Variants in STAU2 observed in about 807,000 individuals in gnomAD.
The protein encoded by STAU2 is double-stranded RNA-binding protein Staufen homolog 2.
A neutral mutation model predicts 65.9 loss-of-function variants in STAU2; 20 were observed. The ratio of observed to expected loss-of-function variants is 0.30; its 90% confidence interval spans 0.21 to 0.44. STAU2 has a LOEUF of 0.44. Ranked by LOEUF, STAU2 falls within the 20% of genes least tolerant of loss-of-function variation. STAU2 has a pLI of 1.00. For synonymous variants in STAU2, 232 were observed against 233.9 expected (o/e 0.99, Z 0.07); for missense variants, 558 against 683.9 (o/e 0.82, Z 2.05).
intron 13 of STAU2, among the ~76,000 whole-genome samples, chr8:73,523,693 A>ATTGGTTTCTTTC (rs1420816656): frequency 2.6e-5 from 4 of 152,062 alleles, no homozygotes; most frequent in Non-Finnish European, 5.9e-5. Context: ...TAGCCTTTCG[A>ATTGGTTTCTTTC]ATGGTTTCTT....
intron 4 of STAU2, among the ~76,000 whole-genome samples, chr8:73,703,873 T>A (rs1380503900): frequency 6.6e-6 from 1 of 152,222 alleles, no homozygotes; most frequent in Admixed American, 6.5e-5. Context: ...TTGTTCTTTT[T>A]TTCCCACACA....
chr8:73,626,021 T>C (rs896499551), intron 6 of STAU2, among the ~76,000 whole-genome samples: 19 of 151,968 alleles, frequency 1.3e-4, no homozygotes, highest in African/African-American at 4.6e-4. Context: ...GGAGTTTTAG[T>C]TTCTAGAGAT....
chr8:73,699,230 T>A, intron 4 of STAU2, among the ~76,000 whole-genome samples: 1 of 149,632 alleles, frequency 6.7e-6, no homozygotes, highest in African/African-American at 2.5e-5. Context: ...AGTGGAAAAA[T>A]TTCAAACAAA....
At chr8:73,746,983 C>G, upstream of STAU2, 1 of 541,880 alleles carries the variant, frequency 1.8e-6, no homozygotes, top group Non-Finnish European at 2.3e-6. Flanking sequence ...CGCTCCCGCG[C>G]CCCAGCACGC....
chr8:73,498,037 T>C (rs890314492), intron 13 of STAU2, among the ~76,000 whole-genome samples: 5 of 151,866 alleles, frequency 3.3e-5, no homozygotes, highest in Admixed American at 2.0e-4. Context: ...ACAGGACACA[T>C]TGTGTTTGTA....
intron 6 of STAU2, among the ~76,000 whole-genome samples, chr8:73,643,387 A>G (rs997904999): frequency 2.0e-5 from 3 of 152,190 alleles, no homozygotes; most frequent in African/African-American, 7.2e-5. Flanking sequence ...CTGAGTCCCA[A>G]TCAAGGAGTT....
chr8:73,442,968 T>C (rs372863369), intron 13 of STAU2, among the ~76,000 whole-genome samples: 6 of 152,324 alleles, frequency 3.9e-5, no homozygotes, highest in East Asian at 3.9e-4. Context: ...GGAGAATCCA[T>C]GATAGATTTA....
chr8:73,429,731 T>C (rs1195284973), intron 13 of STAU2, among the ~76,000 whole-genome samples: 1 of 152,058 alleles, frequency 6.6e-6, no homozygotes, highest in African/African-American at 2.4e-5. Flanking sequence ...CTCATGTCTC[T>C]TTATTTCCTC....
At chr8:73,440,805 C>T (rs1381303186) in intron 13 of STAU2, 1 of 152,286 alleles carries the variant, frequency 6.6e-6, no homozygotes, top group Non-Finnish European at 1.5e-5. Flanking sequence ...ACCCAGACTC[C>T]TGACTACAGC....
At chr8:73,467,024 T>C (rs1191254559) in intron 13 of STAU2, among the ~76,000 whole-genome samples, 1 of 152,334 alleles carries the variant, frequency 6.6e-6, no homozygotes, top group Non-Finnish European at 1.5e-5. Context: ...ACATAAACTG[T>C]TCAGGAAGTT....
intron 9 of STAU2, among the ~76,000 whole-genome samples, chr8:73,605,307 C>CTTTTTTT (rs760108756): frequency 8.1e-6 from 1 of 124,030 alleles, no homozygotes; most frequent in Non-Finnish European, 1.7e-5. Flanking sequence ...GGCTTTTTTC[C>CTTTTTTT]TTTTTTTTTT....
intron 4 of STAU2, among the ~76,000 whole-genome samples, chr8:73,689,510 C>T (rs1399522356): frequency 1.3e-5 from 2 of 152,140 alleles, no homozygotes; most frequent in Non-Finnish European, 2.9e-5. Flanking sequence ...TCAACTGTTC[C>T]TGTTTTAGCA....
At chr8:73,507,795 A>G (rs1226202047) in intron 13 of STAU2, among the ~76,000 whole-genome samples, 1 of 152,224 alleles carries the variant, frequency 6.6e-6, no homozygotes, top group East Asian at 1.9e-4. Context: ...CAATGATCTT[A>G]GCCAGATCTT....
chr8:73,581,999 A>C (rs1810024146), intron 12 of STAU2, among the ~76,000 whole-genome samples: 4 of 152,324 alleles, frequency 2.6e-5, no homozygotes, highest in African/African-American at 9.6e-5. Flanking sequence ...TGTTTTTACT[A>C]GCCAAATGTT....
At chr8:73,498,593 G>T (rs141912069) in intron 13 of STAU2, among the ~76,000 whole-genome samples, 248 of 151,634 alleles carry the variant, frequency 1.6e-3, no homozygotes, top group Non-Finnish European at 2.3e-3. Context: ...TCAAGTATTT[G>T]TGTAACTGGC....
intron 13 of STAU2, among the ~76,000 whole-genome samples, chr8:73,479,712 C>CGTGTGT (rs5892422): frequency 0.32 from 46,401 of 143,480 alleles, 8,485 homozygotes; most frequent in Non-Finnish European, 0.41. Context: ...CTTAAATATA[C>CGTGTGT]GTGTGTGTGT....
At chr8:73,723,605 T>C (rs1398780212) in intron 3 of STAU2, among the ~76,000 whole-genome samples, 1 of 152,256 alleles carries the variant, frequency 6.6e-6, no homozygotes, top group Non-Finnish European at 1.5e-5. Flanking sequence ...TCTATTGCTC[T>C]GCCTTCAAGT....
chr8:73,449,791 G>GC (rs1476850791), intron 13 of STAU2, among the ~76,000 whole-genome samples: 1 of 152,172 alleles, frequency 6.6e-6, no homozygotes, highest in African/African-American at 2.4e-5. Flanking sequence ...GACTCCTGAG[G>GC]CCCAGGAGGG....
chr8:73,693,735 C>T (rs973722167), intron 4 of STAU2, among the ~76,000 whole-genome samples: 6 of 152,244 alleles, frequency 3.9e-5, no homozygotes, highest in East Asian at 1.9e-4. Context: ...TGGAGACACA[C>T]TGTTTATGAA....
Sources: gnomAD v4.1 joint callset for allele counts (sites outside exome capture counted in the v4.1 genomes callset) on GRCh38, gnomAD v4.1.1 for gene constraint, MANE v1.5 for transcripts, NCBI Gene and HGNC (gene_info 2026-07-23, HGNC 2026-07-21) for gene names.